The following GRID2 variants were observed in gnomAD, a reference collection of about 807,000 sequenced individuals.
GRID2 encodes the protein glutamate receptor ionotropic, delta-2.
GRID2 carries 33 observed loss-of-function variants against 114.8 expected under a neutral mutation model. That is an observed-to-expected ratio of 0.29 (90% CI 0.22 to 0.38). GRID2 has a LOEUF of 0.38. Ranked by LOEUF, GRID2 falls within the 10% of genes least tolerant of loss-of-function variation. The pLI is 1.00. For synonymous variants in GRID2, 505 were observed against 449.9 expected (o/e 1.12, Z -1.55); for missense variants, 1,184 against 1,257.7 (o/e 0.94, Z 0.89).
intron 8 of GRID2, among the ~76,000 whole-genome samples, chr4:93,360,717 T>C (rs1374827100): frequency 6.6e-6 from 1 of 151,840 alleles, no homozygotes; most frequent in Non-Finnish European, 1.5e-5. Context: ...TGCTATATTC[T>C]CTTTGGGATA....
intron 8 of GRID2, among the ~76,000 whole-genome samples, chr4:93,308,353 A>G (rs1755659792): frequency 6.6e-6 from 1 of 152,166 alleles, no homozygotes; most frequent in African/African-American, 2.4e-5. Flanking sequence ...TTCAAAATCA[A>G]TTCTATTCCT....
At position 93,790,587 on chromosome 4, in the gene GRID2, G is replaced by A. The variant is rs191451515; in HGVS notation, c.222-16128G>A. On this transcript the variant is annotated intron_variant, in intron 1 of 1. Coordinates refer to the GRID2 transcript ENST00000637838. ...TTGTGAGACAGAGTCTTGCTCTGTC[G>A]CCAGGCTGCAGTGCAGTGGCATGAT... Among the ~76,000 whole-genome samples the A allele has an allele frequency of 4.8e-3, 724 of 149,582 alleles. 1 individual carries two copies. The highest frequency in any genetic ancestry group is 0.016 in the African/African-American group (669 of 40,678).
chr4:93,615,808 C>T, intron 13 of GRID2, among the ~76,000 whole-genome samples: 1 of 151,992 alleles, frequency 6.6e-6, no homozygotes. Context: ...TTACAATCTA[C>T]ACATACCATC....
chr4:92,703,537 C>T (rs1206422261), intron 2 of GRID2, among the ~76,000 whole-genome samples: 3 of 151,260 alleles, frequency 2.0e-5, no homozygotes, highest in Non-Finnish European at 4.4e-5. Flanking sequence ...TAAAATAGCA[C>T]TTCTGCATTT....
intron 1 of GRID2, among the ~76,000 whole-genome samples, chr4:92,465,462 AT>A (rs1407095166): frequency 3.3e-5 from 5 of 152,076 alleles, no homozygotes; most frequent in African/African-American, 1.2e-4. Context: ...TTTTATTGAT[AT>A]TATGGAACTC....
intron 12 of GRID2, among the ~76,000 whole-genome samples, chr4:93,510,465 T>A (rs560395995): frequency 2.6e-5 from 4 of 152,254 alleles, no homozygotes; most frequent in Non-Finnish European, 5.9e-5. Context: ...TTAGATTTTT[T>A]AAAAAAATAG....
At chr4:92,812,016 T>A (rs1173115837) in intron 2 of GRID2, among the ~76,000 whole-genome samples, 2 of 152,130 alleles carry the variant, frequency 1.3e-5, no homozygotes, top group East Asian at 1.9e-4. Context: ...AAACTCCATT[T>A]GTTTGCTCCC....
At position 93,619,301 on chromosome 4, in the gene GRID2, T is replaced by C. The variant is rs115776566; in HGVS notation, c.2194-6968T>C. Among the ~76,000 whole-genome samples, 259 of 152,332 alleles carry C rather than the reference T, an allele frequency of 1.7e-3. 1 individual carries two copies. The highest frequency in any genetic ancestry group is 5.8e-3 in the African/African-American group (240 of 41,582). On this transcript the variant is annotated intron_variant, in intron 13 of 15. Transcript: ENST00000282020. ...AGAATTGATGAATGCTGCTAAATTA[T>C]TAATTTGCCCAAAGTGTGAGAGGCT...
At chr4:93,725,818 G>T (rs530890183) in intron 14 of GRID2, among the ~76,000 whole-genome samples, 83 of 152,094 alleles carry the variant, frequency 5.5e-4, no homozygotes, top group East Asian at 2.5e-3. Flanking sequence ...TCGCCCACTT[G>T]TTGATGGGGT....
rs59328379 is a variant in GRID2, at chr4:92,473,964, TTGTGTGTG to T, written c.89-116133_89-116126del. 4.2e-3 allele frequency among the ~76,000 whole-genome samples: 607 copies of T among 144,340 alleles called. 1 individual carries two copies. Among genetic ancestry groups the T allele is most frequent in the South Asian group, 0.018 (82 of 4,450 alleles). The allele number at this position is 144,340 out of a possible 152,430, so 94.7% of individuals were successfully genotyped here. Reference sequence around the variant, plus strand: ...CCATCACCTCAAATTGTTATCTTGGTTGTGTGTGTGTGTGTGTGTGTGTGTGTGTGTGT... The same window carrying T: ...CCATCACCTCAAATTGTTATCTTGGTTGTGTGTGTGTGTGTGTGTGTGTGT... On this transcript the variant is annotated intron_variant, in intron 1 of 15. Transcript: ENST00000282020.
At chr4:93,456,523 T>C (rs1723211699) in intron 11 of GRID2, among the ~76,000 whole-genome samples, 1 of 152,226 alleles carries the variant, frequency 6.6e-6, no homozygotes, top group African/African-American at 2.4e-5. Flanking sequence ...CACTATTTTC[T>C]AAAGAATGTC....
chr4:93,172,275 C>T (rs952552923), intron 4 of GRID2, among the ~76,000 whole-genome samples: 5 of 152,118 alleles, frequency 3.3e-5, no homozygotes, highest in African/African-American at 1.2e-4. Flanking sequence ...AGGTTGGGAA[C>T]ATTTGCCATT....
intron 2 of GRID2, among the ~76,000 whole-genome samples, chr4:92,621,555 G>C (rs62307907): frequency 0.056 from 8,441 of 151,808 alleles, 305 homozygotes; most frequent in East Asian, 0.16. Context: ...CCCAGCTATA[G>C]GAAGCTGAGG....
In GRID2 at chr4:93,772,404, G is replaced by C. The variant is rs1560995228; in HGVS notation, c.2930G>C (p.Ser977Thr). 6 of 1,613,680 alleles carry C rather than the reference G, an allele frequency of 3.7e-6. No homozygotes were observed. The highest frequency in any genetic ancestry group is 5.1e-6 in the Non-Finnish European group (6 of 1,179,810). Residue 977 changes from serine to threonine, a missense_variant, in exon 16 of 16, where the codon AGT becomes ACT. Physicochemically the swap from Ser to Thr is moderately conservative, Grantham distance 58 (BLOSUM62 1). Coordinates refer to ENST00000282020, the MANE Select transcript of GRID2 (RefSeq NM_001510.4). The stretch of plus-strand genomic sequence containing the variant: ...GCACCTAATGGGGGCTTTTTCAGGA[G>C]TCCTATAAAAACAATGTCATCTATT... ...HRAPNGGFFR[S>T]PIKTMSSIPY...
chr4:93,758,461 T>TCTTTAATATTCTCCCGCTATTAA (rs1732944957), intron 14 of GRID2, among the ~76,000 whole-genome samples: 1 of 152,204 alleles, frequency 6.6e-6, no homozygotes, highest in African/African-American at 2.4e-5. Flanking sequence ...TAAAGCCTAC[T>TCTTTAATATTCTCCCGCTATTAA]AGAGTAGTTC....
intron 14 of GRID2, among the ~76,000 whole-genome samples, chr4:93,724,892 GC>G (rs1184461931): frequency 6.6e-6 from 1 of 152,096 alleles, no homozygotes; most frequent in Non-Finnish European, 1.5e-5. Context: ...GGATTCTCCT[GC>G]CTCAGCCTCC....
At chr4:92,995,752 G>A (rs1042997514) in intron 2 of GRID2, among the ~76,000 whole-genome samples, 2 of 151,980 alleles carry the variant, frequency 1.3e-5, no homozygotes, top group African/African-American at 4.8e-5. Flanking sequence ...AAATATCTGG[G>A]CACAATAAAC....
chr4:92,357,334 T>C (rs1454165924), intron 1 of GRID2, among the ~76,000 whole-genome samples: 1 of 151,912 alleles, frequency 6.6e-6, no homozygotes. Context: ...AGTTTAAGTA[T>C]ACTAATAGCC....
intron 1 of GRID2, among the ~76,000 whole-genome samples, chr4:92,497,426 C>A (rs1723446335): frequency 2.0e-5 from 3 of 151,736 alleles, no homozygotes; most frequent in African/African-American, 7.2e-5. Flanking sequence ...TGTTGTTCAA[C>A]ACCAGCCTTA....
Sources: allele counts gnomAD v4.1 joint callset (sites outside exome capture counted in the v4.1 genomes callset), GRCh38; gene constraint gnomAD v4.1.1; transcripts MANE v1.5; gene names NCBI Gene and HGNC (gene_info 2026-07-23, HGNC 2026-07-21).